Variants in ANO3 observed in about 807,000 individuals in gnomAD.
The protein encoded by ANO3 is anoctamin 3.
ANO3 carries 99 observed loss-of-function variants against 144.8 expected under a neutral mutation model. The ratio of observed to expected loss-of-function variants is 0.68; its 90% confidence interval spans 0.58 to 0.81. The LOEUF is 0.81. Among genes scored for constraint, ANO3 ranks in the 30% least tolerant of loss-of-function variants. The probability of loss-of-function intolerance (pLI) is 0.00; values close to 1 mark genes in which losing one functional copy is unlikely to be tolerated. For missense variants in ANO3, 905 were observed against 1,202.2 expected (o/e 0.75, Z 3.66); for synonymous variants, 414 against 392.6 (o/e 1.05, Z -0.64).
chr11:26,590,003 T>C (rs983987776), intron 14 of ANO3, among the ~76,000 whole-genome samples: 1 of 152,056 alleles, frequency 6.6e-6, no homozygotes, highest in Non-Finnish European at 1.5e-5. Context: ...AGAGGATCTA[T>C]AGAGAGCTCG....
At position 26,660,635 on chromosome 11, in the gene ANO3, A is replaced by T; in HGVS notation, c.*191A>T. The T allele has an allele frequency of 1.8e-6, 1 of 542,298 alleles. No homozygotes were observed. The highest frequency in any genetic ancestry group is 3.1e-6 in the Non-Finnish European group (1 of 318,722). The allele number at this position is 542,298 out of a possible 1,614,324, so 33.6% of individuals were successfully genotyped here. On this transcript the variant is annotated 3_prime_UTR_variant, in exon 27 of 27. Transcript: ENST00000256737. The stretch of plus-strand genomic sequence containing the variant: ...TTGTAGGGAAGAAAACAATGACTTG[A>T]CGACCTTAAAAAGGGTTAGATTGAC...
At chr11:26,406,676 AGTGTGTGTGTGTGTGTGTGT>A (rs72102663) in intron 1 of ANO3, among the ~76,000 whole-genome samples, 13 of 119,338 alleles carry the variant, frequency 1.1e-4, no homozygotes, top group Admixed American at 6.1e-4. Flanking sequence ...AATCTATGGC[AGTGTGTGTGTGTGTGTGTGT>A]GTGTGTGTGT....
intron 1 of ANO3, among the ~76,000 whole-genome samples, chr11:26,303,992 C>T (rs754503256): frequency 6.6e-6 from 1 of 152,150 alleles, no homozygotes; most frequent in Non-Finnish European, 1.5e-5. Context: ...GGATTACAGG[C>T]GTGAGCCATC....
chr11:26,407,074 G>GTATATATATATATATA (rs1366416693), intron 1 of ANO3, among the ~76,000 whole-genome samples: 2 of 101,600 alleles, frequency 2.0e-5, no homozygotes, highest in African/African-American at 3.1e-5. Flanking sequence ...GTGTGTGTGT[G>GTATATATATATATATA]TGTATATATA....
chr11:26,479,201 C>A (rs1860104640), intron 4 of ANO3, among the ~76,000 whole-genome samples: 1 of 152,130 alleles, frequency 6.6e-6, no homozygotes, highest in African/African-American at 2.4e-5. Flanking sequence ...ATTTTGGATA[C>A]ATGGACTTAA....
At chr11:26,357,478 T>C (rs1389266684) in intron 1 of ANO3, among the ~76,000 whole-genome samples, 1 of 152,144 alleles carries the variant, frequency 6.6e-6, no homozygotes, top group Admixed American at 6.5e-5. Context: ...TTGCATTTAT[T>C]TGACATCCAT....
intron 14 of ANO3, among the ~76,000 whole-genome samples, chr11:26,581,385 C>A (rs1851126077): frequency 6.7e-6 from 1 of 149,946 alleles, no homozygotes; most frequent in Non-Finnish European, 1.5e-5. Flanking sequence ...CTAGAGGCAG[C>A]AGTCTTAAAT....
intron 4 of ANO3, among the ~76,000 whole-genome samples, chr11:26,471,905 T>C (rs1565045298): frequency 6.6e-6 from 1 of 151,976 alleles, no homozygotes; most frequent in South Asian, 2.1e-4. Flanking sequence ...GAATCACCAA[T>C]TTGTTTTTCC....
At chr11:26,622,284 G>C (rs1852438647) in intron 17 of ANO3, among the ~76,000 whole-genome samples, 1 of 152,102 alleles carries the variant, frequency 6.6e-6, no homozygotes, top group Admixed American at 6.6e-5. Flanking sequence ...TAAGTTTGCA[G>C]AGTGGCTCTA....
At chr11:26,319,144 CATTATTATT>C (rs376211456) in intron 1 of ANO3, among the ~76,000 whole-genome samples, 3 of 150,834 alleles carry the variant, frequency 2.0e-5, no homozygotes, top group Non-Finnish European at 4.4e-5. Context: ...TTCCAGATAA[CATTATTATT>C]ATTATTATTA....
chr11:26,286,712 G>A (rs561064238), intron 1 of ANO3, among the ~76,000 whole-genome samples: 16 of 152,220 alleles, frequency 1.1e-4, no homozygotes, highest in South Asian at 1.0e-3. Context: ...TTGGCAATGC[G>A]GGTGGGCTTT....
chr11:26,451,811 G>A (rs1858951955), intron 3 of ANO3, among the ~76,000 whole-genome samples: 1 of 152,180 alleles, frequency 6.6e-6, no homozygotes, highest in African/African-American at 2.4e-5. Context: ...CCTGACCCCT[G>A]AGCAGCCTAA....
At chr11:26,574,083 C>G (rs1850925106) in intron 14 of ANO3, among the ~76,000 whole-genome samples, 1 of 152,176 alleles carries the variant, frequency 6.6e-6, no homozygotes, top group African/African-American at 2.4e-5. Flanking sequence ...GCAAACCCAG[C>G]TGAGATGACA....
At chr11:26,518,339 TTC>T (rs1861938563) in intron 6 of ANO3, among the ~76,000 whole-genome samples, 1 of 152,042 alleles carries the variant, frequency 6.6e-6, no homozygotes, top group Admixed American at 6.6e-5. Flanking sequence ...CTCAAATTTA[TTC>T]TCTGGTCTGT....
intron 17 of ANO3, among the ~76,000 whole-genome samples, chr11:26,615,977 C>T (rs1369617997): frequency 6.6e-6 from 1 of 152,050 alleles, no homozygotes; most frequent in Non-Finnish European, 1.5e-5. Context: ...TGTATTTTGT[C>T]TTTCTATCAA....
Position 26,332,246 on chromosome 11 carries a change from C to G in ANO3, c.-30C>G. On this transcript the variant is annotated 5_prime_UTR_variant, in exon 1 of 27. Coordinates refer to ENST00000256737, the MANE Select transcript of ANO3 (RefSeq NM_031418.4). Reference sequence around the variant, plus strand: ...CCTCCGCCTCCCTCTCGGGCAGCTCCCTAAGCCGGCTGGGACGCGCAGAGT... The same window carrying G: ...CCTCCGCCTCCCTCTCGGGCAGCTCGCTAAGCCGGCTGGGACGCGCAGAGT... 1 of 1,614,046 alleles carries G rather than the reference C, an allele frequency of 6.2e-7. No homozygotes were observed. The highest frequency in any genetic ancestry group is 8.5e-7 in the Non-Finnish European group (1 of 1,179,998).
intron 1 of ANO3, among the ~76,000 whole-genome samples, chr11:26,268,085 C>G (rs1329633884): frequency 6.6e-6 from 1 of 152,042 alleles, no homozygotes; most frequent in African/African-American, 2.4e-5. Context: ...ATAAGAAAAT[C>G]AGCATTTACT....
intron 1 of ANO3, among the ~76,000 whole-genome samples, chr11:26,435,470 T>C (rs745818147): frequency 1.3e-5 from 2 of 152,170 alleles, no homozygotes; most frequent in African/African-American, 2.4e-5. Context: ...TCTAGCAAGG[T>C]TGGGGAGATT....
chr11:26,352,766 T>G (rs558497542), intron 1 of ANO3, among the ~76,000 whole-genome samples: 3 of 152,252 alleles, frequency 2.0e-5, no homozygotes, highest in Admixed American at 1.3e-4. Context: ...TTTGTAGGTA[T>G]GTATTCTGGT....
Sources: gnomAD v4.1 joint callset for allele counts (sites outside exome capture counted in the v4.1 genomes callset) on GRCh38, gnomAD v4.1.1 for gene constraint, MANE v1.5 for transcripts, NCBI Gene and HGNC (gene_info 2026-07-23, HGNC 2026-07-21) for gene names.